The following RAVER2 variants were observed in gnomAD, a reference collection of about 807,000 sequenced individuals.
RAVER2 encodes ribonucleoprotein PTB-binding 2.
In RAVER2, 46 loss-of-function variants were observed where a neutral mutation model predicts 78.1. The observed-to-expected ratio is 0.59, with a 90% CI of 0.46 to 0.75. RAVER2 has a LOEUF of 0.75. RAVER2 is among the 30% of genes least tolerant of loss of function. The pLI is 0.00. For missense variants in RAVER2, 793 were observed against 837.5 expected (o/e 0.95, Z 0.66); for synonymous variants, 311 against 313.3 (o/e 0.99, Z 0.08).
chr1:64,821,238 C>T (rs1354869394), intron 11 of RAVER2, among the ~76,000 whole-genome samples: 2 of 152,004 alleles, frequency 1.3e-5, no homozygotes, highest in Non-Finnish European at 2.9e-5. Context: ...TGTCCTTTGC[C>T]CACTTTAATG....
At position 64,745,250 on chromosome 1, in the gene RAVER2, G is replaced by T; in HGVS notation, c.78G>T (p.Pro26=). The T allele has an allele frequency of 8.3e-7, 1 of 1,201,862 alleles. No individual in the cohort carries two copies. Among genetic ancestry groups the T allele is most frequent in the South Asian group, 2.7e-5 (1 of 36,878 alleles). 74.4% of individuals were successfully genotyped at this position (1,201,862 alleles called of 1,614,324 possible). The change falls in exon 1 of 12, where the codon CCG becomes CCT. Residue 26 remains proline (P), a synonymous_variant. Coordinates refer to ENST00000294428, the Ensembl canonical transcript of RAVER2. The surrounding 1 kb of genome is among the most constrained non-coding windows in gnomAD (Gnocchi z 4.3). The stretch of plus-strand genomic sequence containing the variant: ...GCGCGGCGGGGCTGGGGCCGGGGCC[G>T]GGGCTGCGCGGGCAGGGCCCCTCAG...
At chr1:64,754,748 T>G (rs1451359988) in intron 1 of RAVER2, among the ~76,000 whole-genome samples, 2 of 152,228 alleles carry the variant, frequency 1.3e-5, no homozygotes, top group African/African-American at 4.8e-5. Flanking sequence ...GGTTGAAAAG[T>G]GCTGTTGCAG....
At chr1:64,813,113 T>C (rs1301017019) in intron 10 of RAVER2, among the ~76,000 whole-genome samples, 1 of 152,188 alleles carries the variant, frequency 6.6e-6, no homozygotes, top group Non-Finnish European at 1.5e-5. Context: ...ATATCTTGAG[T>C]ATTTGAATAC....
intron 1 of RAVER2, among the ~76,000 whole-genome samples, chr1:64,755,173 G>T (rs2100805839): frequency 6.6e-6 from 1 of 152,234 alleles, no homozygotes; most frequent in African/African-American, 2.4e-5. Context: ...AACAAATCAA[G>T]AATATTATCC....
chr1:64,832,802 T>C (rs1429515274), exon 12 of RAVER2: 1 of 152,192 alleles, frequency 6.6e-6, no homozygotes, highest in African/African-American at 2.4e-5. Context: ...TAATGGGTTT[T>C]TCAGGCCCTG....
Position 64,745,237 on chromosome 1 carries a change from TGGGGCC to T in RAVER2, c.77_82del (p.Pro26_Gly27del). On this transcript the variant is annotated inframe_deletion, in exon 1 of 12. Transcript: ENST00000294428. This position sits in a 1 kb window ranked among gnomAD's most constrained non-coding sequence, Gnocchi z 4.3. ...GCGGGCCTGGGCAGCGCGGCGGGGC[TGGGGCC>T]GGGGCCGGGGCTGCGCGGGCAGGGC... 2.7e-6 allele frequency: 3 copies of T among 1,128,864 alleles called. No individual in the cohort carries two copies. The highest frequency in any genetic ancestry group is 3.3e-6 in the Non-Finnish European group (3 of 919,352). 69.9% of individuals were successfully genotyped at this position (1,128,864 alleles called of 1,614,324 possible). A position where few individuals can be genotyped will look rare whatever the true frequency, so the allele number is the denominator to read the frequency against.
At chr1:64,799,121 A>G (rs1040388198) in intron 5 of RAVER2, among the ~76,000 whole-genome samples, 11 of 152,184 alleles carry the variant, frequency 7.2e-5, no homozygotes, top group South Asian at 2.1e-4. Flanking sequence ...AATAACCATG[A>G]TTGTACCTTC....
chr1:64,800,454 T>C (rs2500231), intron 5 of RAVER2, among the ~76,000 whole-genome samples: 1,673 of 152,312 alleles, frequency 0.011, 33 homozygotes, highest in African/African-American at 0.038. Context: ...GATTTTGAGT[T>C]GGTTTTTATA....
intron 2 of RAVER2, among the ~76,000 whole-genome samples, chr1:64,775,556 C>T (rs961784794): frequency 6.6e-6 from 1 of 152,182 alleles, no homozygotes; most frequent in African/African-American, 2.4e-5. Context: ...AGCGGCCACA[C>T]ATTGAGTAAC....
chr1:64,793,582 G>A (rs1468984946), intron 5 of RAVER2, among the ~76,000 whole-genome samples: 3 of 152,128 alleles, frequency 2.0e-5, no homozygotes, highest in Non-Finnish European at 4.4e-5. Context: ...AATAGTTTAT[G>A]TACATTAAAC....
chr1:64,827,926 C>T (rs1401376398), intron 11 of RAVER2, among the ~76,000 whole-genome samples: 1 of 152,190 alleles, frequency 6.6e-6, no homozygotes, highest in African/African-American at 2.4e-5. Flanking sequence ...TTCCAGCCCT[C>T]CATGACTGAG....
chr1:64,752,918 A>G (rs369904572), intron 1 of RAVER2, among the ~76,000 whole-genome samples: 2 of 152,160 alleles, frequency 1.3e-5, no homozygotes, highest in African/African-American at 4.8e-5. Context: ...CATGCAAAGG[A>G]GGACTGACCT....
intron 5 of RAVER2, among the ~76,000 whole-genome samples, chr1:64,796,805 G>A (rs770748719): frequency 7.9e-5 from 12 of 151,826 alleles, no homozygotes; most frequent in Non-Finnish European, 1.0e-4. Flanking sequence ...AACATATTTT[G>A]TTCTTCCTTT....
exon 7 of RAVER2, chr1:64,804,770 C>G (rs758901734): frequency 2.6e-6 from 4 of 1,542,188 alleles, no homozygotes; most frequent in Non-Finnish European, 3.6e-6. Context: ...TTTATTCCTT[C>G]AGAATCTTTC....
At chr1:64,788,715 C>T (rs143378512) in intron 4 of RAVER2, among the ~76,000 whole-genome samples, 6 of 150,416 alleles carry the variant, frequency 4.0e-5, no homozygotes, top group African/African-American at 1.5e-4. Flanking sequence ...TGTCATGAAC[C>T]CGGGAGGCGG....
chr1:64,753,523 C>CTTTTTTTT (rs59448781), intron 1 of RAVER2, among the ~76,000 whole-genome samples: 1 of 100,914 alleles, frequency 9.9e-6, no homozygotes, highest in African/African-American at 4.2e-5. Context: ...GTATAGAATT[C>CTTTTTTTT]TTTTTTTTTT....
exon 7 of RAVER2, chr1:64,804,834 A>G (rs771878969): frequency 1.3e-6 from 2 of 1,541,744 alleles, no homozygotes; most frequent in South Asian, 1.1e-5. Context: ...ATTCATACTA[A>G]TAATGTAAGT....
chr1:64,759,149 A>G (rs10437078), intron 1 of RAVER2, among the ~76,000 whole-genome samples: 3,515 of 151,812 alleles, frequency 0.023, 125 homozygotes, highest in African/African-American at 0.078. Context: ...GTTAGTGTAC[A>G]GTAAGTATAT....
At chr1:64,762,532 T>C (rs936625044) in intron 1 of RAVER2, among the ~76,000 whole-genome samples, 1 of 151,782 alleles carries the variant, frequency 6.6e-6, no homozygotes, top group East Asian at 1.9e-4. Context: ...CTCAAATAAT[T>C]TGTTCAGTGT....
Sources: gnomAD v4.1 joint callset for allele counts (sites outside exome capture counted in the v4.1 genomes callset) on GRCh38, gnomAD v4.1.1 for gene constraint, Gnocchi (gnomAD v3.1) non-coding constraint, MANE v1.5 for transcripts, NCBI Gene and HGNC (gene_info 2026-07-23, HGNC 2026-07-21) for gene names.